COL11A1: variants seen among roughly 807,000 people sequenced by gnomAD.
The protein encoded by COL11A1 is collagen type XI alpha 1 chain.
A neutral mutation model predicts 265.2 loss-of-function variants in COL11A1; 74 were observed. The ratio of observed to expected loss-of-function variants is 0.28; its 90% CI spans 0.23 to 0.34. The LOEUF (loss-of-function observed/expected upper bound fraction) is 0.34, where lower values mean the gene tolerates loss of function less well. COL11A1 is among the 10% of genes least tolerant of loss of function. The pLI is 1.00. For missense variants in COL11A1, 2,165 were observed against 2,263.6 expected (o/e 0.96, Z 0.88); for synonymous variants, 816 against 727.6 (o/e 1.12, Z -1.96).
intron 14 of COL11A1, among the ~76,000 whole-genome samples, chr1:103,012,081 T>C (rs1666178651): frequency 6.6e-6 from 1 of 152,172 alleles, no homozygotes; most frequent in Non-Finnish European, 1.5e-5. Context: ...TAATATAAAA[T>C]TAAGGCTCAA....
intron 4 of COL11A1, among the ~76,000 whole-genome samples, chr1:103,056,204 G>GT (rs1670234761): frequency 6.6e-6 from 1 of 152,122 alleles, no homozygotes; most frequent in Non-Finnish European, 1.5e-5. Flanking sequence ...AAAAATGCAG[G>GT]TTAGAAAGTG....
chr1:103,044,575 C>T (rs1051585728), intron 4 of COL11A1, among the ~76,000 whole-genome samples: 1 of 152,036 alleles, frequency 6.6e-6, no homozygotes, highest in Admixed American at 6.6e-5. Flanking sequence ...CTTACTAAAG[C>T]ATAACTACCA....
chr1:103,033,944 C>T lies in COL11A1; in HGVS notation c.652-2700G>A, dbSNP rs924111650. Among the ~76,000 whole-genome samples, 4 of 152,110 alleles carry T rather than the reference C, an allele frequency of 2.6e-5. No homozygotes were observed. The East Asian group carries it at 5.8e-4, about 22-fold the overall frequency. ...CCACTGCACCTGGCTGTTTCCTTTGCATTTGAGAGTCAGTTTTGCTGGCTA... is the reference window on the plus strand; with the variant it reads ...CCACTGCACCTGGCTGTTTCCTTTGTATTTGAGAGTCAGTTTTGCTGGCTA... On this transcript the variant is annotated intron_variant, in intron 4 of 66. Transcript: ENST00000370096.
At chr1:103,030,805 T>G in intron 5 of COL11A1, 1 of 353,538 alleles carries the variant, frequency 2.8e-6, no homozygotes, top group Non-Finnish European at 5.5e-6. Context: ...ATTATTTAAA[T>G]GCTAATGGTC....
chr1:103,043,222 TATAATG>T (rs1668974160), intron 4 of COL11A1, among the ~76,000 whole-genome samples: 1 of 138,664 alleles, frequency 7.2e-6, no homozygotes, highest in Non-Finnish European at 1.6e-5. Context: ...GAAATATATA[TATAATG>T]TATATATGAA....
intron 12 of COL11A1, among the ~76,000 whole-genome samples, chr1:103,015,155 A>C (rs1397641851): frequency 2.6e-5 from 4 of 152,010 alleles, no homozygotes; most frequent in Non-Finnish European, 5.9e-5. Flanking sequence ...TTTTCATTCT[A>C]AGTAATTATT....
At chr1:102,912,245 T>G (rs1439425058) in intron 53 of COL11A1, 33 bp from the exon 54 acceptor site, 1 of 1,565,890 alleles carries the variant, frequency 6.4e-7, no homozygotes, top group Non-Finnish European at 8.7e-7. Context: ...TTTAACAAAA[T>G]TGGATATTAT....
At chr1:103,031,880 T>A (rs1385635894) in intron 4 of COL11A1, among the ~76,000 whole-genome samples, 2 of 151,930 alleles carry the variant, frequency 1.3e-5, no homozygotes, top group Admixed American at 1.3e-4. Flanking sequence ...TAAGGATACA[T>A]TAAACATCAC....
intron 64 of COL11A1, among the ~76,000 whole-genome samples, 188 bp from the exon 65 acceptor site, chr1:102,881,953 A>G (rs1173781608): frequency 6.6e-6 from 1 of 152,174 alleles, no homozygotes; most frequent in Non-Finnish European, 1.5e-5. Context: ...GATCCTGTAC[A>G]TTCTATGTAG....
chr1:103,031,011 G>A, intron 5 of COL11A1, 105 bp downstream of exon 5: 1 of 1,306,986 alleles, frequency 7.7e-7, no homozygotes, highest in Non-Finnish European at 1.1e-6. Context: ...AAAATACAAA[G>A]CATAGCTTAA....
At chr1:103,033,130 A>G (rs981590995) in intron 4 of COL11A1, among the ~76,000 whole-genome samples, 5 of 152,044 alleles carry the variant, frequency 3.3e-5, no homozygotes, top group African/African-American at 1.2e-4. Context: ...CATTTATCAT[A>G]ATGTCTTCAA....
rs180823743 is a variant in COL11A1, at chr1:103,065,488, C to A, written c.651+9130G>T. The stretch of plus-strand genomic sequence containing the variant: ...TGAGCCCAGATCGCGCCACTACACT[C>A]CAGCCTGGGCGACAGAAGAGCGAGA... On this transcript the variant is annotated intron_variant, in intron 4 of 66. Coordinates refer to ENST00000370096, the MANE Select transcript of COL11A1 (RefSeq NM_001854.4). Among the ~76,000 whole-genome samples, 4 of 126,430 alleles carry A rather than the reference C, an allele frequency of 3.2e-5. No homozygotes were observed. In the Admixed American group the frequency reaches 3.3e-4, roughly 10 times the overall value. The allele number at this position is 126,430 out of a possible 152,430, so 82.9% of individuals were successfully genotyped here.
intron 20 of COL11A1, 106 bp downstream of exon 20, chr1:103,004,338 G>C (rs1162076507): frequency 1.2e-6 from 1 of 821,512 alleles, no homozygotes; most frequent in South Asian, 1.5e-5. Flanking sequence ...GCTTAGCTAA[G>C]ACTGCAATGT....
At chr1:103,040,999 T>C (rs1668769672) in intron 4 of COL11A1, among the ~76,000 whole-genome samples, 2 of 151,938 alleles carry the variant, frequency 1.3e-5, no homozygotes, top group South Asian at 4.1e-4. Context: ...ATGTGCTTTT[T>C]AATTTTTATA....
At chr1:103,059,412 T>TAAA (rs113458421) in intron 4 of COL11A1, among the ~76,000 whole-genome samples, 2 of 150,804 alleles carry the variant, frequency 1.3e-5, no homozygotes, top group African/African-American at 4.9e-5. Flanking sequence ...AAGGGCTTAT[T>TAAA]AAAAAAAAAC....
chr1:102,880,633 C>T (rs1399495479), intron 65 of COL11A1, among the ~76,000 whole-genome samples: 3 of 151,196 alleles, frequency 2.0e-5, no homozygotes, highest in African/African-American at 7.3e-5. Flanking sequence ...TATAAATTGT[C>T]TTATTTTTGG....
At chr1:103,069,257 T>C (rs1350250603) in intron 4 of COL11A1, among the ~76,000 whole-genome samples, 1 of 151,810 alleles carries the variant, frequency 6.6e-6, no homozygotes, top group Non-Finnish European at 1.5e-5. Flanking sequence ...GGTGCACTAA[T>C]TGGTAGTCAA....
intron 4 of COL11A1, among the ~76,000 whole-genome samples, chr1:103,046,277 C>CCTGTTGTTCTGA: frequency 6.0e-5 from 1 of 16,634 alleles, no homozygotes; most frequent in Non-Finnish European, 1.6e-4. Context: ...CTCTCCAGCA[C>CCTGTTGTTCTGA]CTTTTTAATG....
At chr1:102,920,389 A>G in intron 48 of COL11A1, 25 bp from the exon 49 acceptor site, 1 of 1,597,988 alleles carries the variant, frequency 6.3e-7, no homozygotes, top group Non-Finnish European at 8.6e-7. Flanking sequence ...AAGGAATGTA[A>G]TTATCCATAT....
Sources: allele counts gnomAD v4.1 joint callset (sites outside exome capture counted in the v4.1 genomes callset), GRCh38; gene constraint gnomAD v4.1.1; transcripts MANE v1.5; gene names NCBI Gene and HGNC (gene_info 2026-07-23, HGNC 2026-07-21).